The following BABAM2 variants were observed in gnomAD, a reference collection of about 807,000 sequenced individuals.
BABAM2 encodes BRISC and BRCA1-A complex member 2.
A neutral mutation model predicts 54.7 loss-of-function variants in BABAM2; 31 were observed. The ratio of observed to expected loss-of-function variants is 0.57; its 90% CI spans 0.43 to 0.77. The LOEUF is 0.77. BABAM2 is among the 30% of genes least tolerant of loss of function. BABAM2 has a pLI of 0.00. For missense variants in BABAM2, 364 were observed against 455.8 expected (o/e 0.80, Z 1.83); for synonymous variants, 167 against 162.9 (o/e 1.03, Z -0.19).
intron 6 of BABAM2, among the ~76,000 whole-genome samples, chr2:28,122,281 AAT>A: frequency 6.6e-6 from 1 of 152,022 alleles, no homozygotes; most frequent in Non-Finnish European, 1.5e-5. Flanking sequence ...AATTACACTT[AAT>A]TCTGAGTCTA....
chr2:28,246,144 TAC>T (rs745406085), intron 10 of BABAM2, among the ~76,000 whole-genome samples: 3 of 152,100 alleles, frequency 2.0e-5, no homozygotes, highest in Non-Finnish European at 4.4e-5. Context: ...CATCATAACC[TAC>T]AGTGTGGGGC....
intron 6 of BABAM2, among the ~76,000 whole-genome samples, chr2:28,107,077 C>T (rs530249335): frequency 1.3e-5 from 2 of 152,226 alleles, no homozygotes; most frequent in South Asian, 2.1e-4. Context: ...ATAGGTTACA[C>T]ACATATATAT....
chr2:28,271,506 A>G (rs1685428815), intron 10 of BABAM2, among the ~76,000 whole-genome samples: 1 of 152,194 alleles, frequency 6.6e-6, no homozygotes, highest in Non-Finnish European at 1.5e-5. Context: ...TTCTTTTTCA[A>G]AGAAAGAAAT....
At chr2:28,173,528 A>AG (rs1332999361) in intron 7 of BABAM2, among the ~76,000 whole-genome samples, 1 of 152,066 alleles carries the variant, frequency 6.6e-6, no homozygotes, top group African/African-American at 2.4e-5. Flanking sequence ...GTCATTAAAA[A>AG]GCAACTGCAG....
intron 3 of BABAM2, among the ~76,000 whole-genome samples, chr2:27,951,214 G>T (rs1506535): frequency 1.3e-5 from 2 of 151,848 alleles, no homozygotes; most frequent in African/African-American, 4.8e-5. Flanking sequence ...TCTTCTTTTC[G>T]TAGTTTATTA....
At chr2:28,197,905 C>T (rs1352644174) in intron 7 of BABAM2, among the ~76,000 whole-genome samples, 1 of 152,180 alleles carries the variant, frequency 6.6e-6, no homozygotes. Context: ...TACCTAGCCA[C>T]CATGTCCTTT....
chr2:28,095,821 A>G (rs1272314744), intron 6 of BABAM2, among the ~76,000 whole-genome samples: 1 of 152,192 alleles, frequency 6.6e-6, no homozygotes, highest in Non-Finnish European at 1.5e-5. Flanking sequence ...TGGGTGTTGC[A>G]TCCTAAGAGG....
At chr2:28,298,641 T>G (rs1687883150) in intron 11 of BABAM2, 150 bp downstream of exon 11, 1 of 994,530 alleles carries the variant, frequency 1.0e-6, no homozygotes, top group Admixed American at 2.9e-5. Context: ...CCCATTTCTT[T>G]ACTTATTATC....
At chr2:28,274,484 G>C (rs1020517307) in intron 10 of BABAM2, among the ~76,000 whole-genome samples, 16 of 152,312 alleles carry the variant, frequency 1.1e-4, no homozygotes, top group Middle Eastern at 3.4e-3. Flanking sequence ...CCAGAATGCA[G>C]TGGTGCGATC....
intron 7 of BABAM2, among the ~76,000 whole-genome samples, chr2:28,135,023 T>C (rs1174792309): frequency 6.6e-6 from 1 of 152,234 alleles, no homozygotes; most frequent in Non-Finnish European, 1.5e-5. Flanking sequence ...AAGTTTCAGT[T>C]TCATCTACTC....
intron 5 of BABAM2, among the ~76,000 whole-genome samples, chr2:28,030,234 C>T (rs1456883118): frequency 2.0e-5 from 3 of 152,170 alleles, no homozygotes; most frequent in Non-Finnish European, 4.4e-5. Flanking sequence ...AAATTCATTT[C>T]AAGCAGATAG....
chr2:28,133,793 C>T (rs531465114), intron 7 of BABAM2, among the ~76,000 whole-genome samples: 2 of 152,280 alleles, frequency 1.3e-5, no homozygotes, highest in East Asian at 3.9e-4. Flanking sequence ...AAAAAGACTA[C>T]AAATTAGACA....
chr2:28,141,716 A>C (rs1053631659), intron 7 of BABAM2, among the ~76,000 whole-genome samples: 2 of 152,156 alleles, frequency 1.3e-5, no homozygotes, highest in African/African-American at 4.8e-5. Flanking sequence ...TGGTCCTTCC[A>C]GGGCCCCTAG....
At chr2:27,971,622 C>A (rs1671229821) in intron 3 of BABAM2, among the ~76,000 whole-genome samples, 1 of 151,240 alleles carries the variant, frequency 6.6e-6, no homozygotes, top group South Asian at 2.1e-4. Flanking sequence ...AGGAGCTACA[C>A]CTAAATCAAG....
chr2:28,130,386 C>A (rs1669921230), intron 7 of BABAM2, among the ~76,000 whole-genome samples: 1 of 152,132 alleles, frequency 6.6e-6, no homozygotes, highest in Admixed American at 6.5e-5. Context: ...TATAGGCATT[C>A]TCTTGTCTTT....
chr2:27,990,853 C>A (rs1461727010), intron 4 of BABAM2, among the ~76,000 whole-genome samples: 1 of 150,794 alleles, frequency 6.6e-6, no homozygotes, highest in Non-Finnish European at 1.5e-5. Context: ...CAAATCGTTT[C>A]TGGGGAAAAA....
chr2:28,045,664 A>G (rs1677500977), intron 5 of BABAM2, 61 bp from the exon 6 acceptor site: 3 of 1,441,938 alleles, frequency 2.1e-6, no homozygotes, highest in Non-Finnish European at 2.9e-6. Flanking sequence ...CCTTGGCTAT[A>G]ATTGTCACTT....
chr2:28,139,039 C>T (rs1473922063), intron 7 of BABAM2, among the ~76,000 whole-genome samples: 2 of 152,124 alleles, frequency 1.3e-5, no homozygotes, highest in African/African-American at 2.4e-5. Flanking sequence ...TGCTGTGGAC[C>T]ATGTGCCCCA....
intron 1 of BABAM2, among the ~76,000 whole-genome samples, chr2:27,893,824 T>A (rs1245374119): frequency 6.6e-6 from 1 of 151,794 alleles, no homozygotes; most frequent in African/African-American, 2.4e-5. Flanking sequence ...TGAAACCCCG[T>A]CTCTACTAAA....
Sources: gnomAD v4.1 joint callset for allele counts (sites outside exome capture counted in the v4.1 genomes callset) on GRCh38, gnomAD v4.1.1 for gene constraint, MANE v1.5 for transcripts, NCBI Gene and HGNC (gene_info 2026-07-23, HGNC 2026-07-21) for gene names.